The following CARMIL1 variants were observed in gnomAD, a reference collection of about 807,000 sequenced individuals.
The protein encoded by CARMIL1 is F-actin-uncapping protein LRRC16A.
CARMIL1 carries 90 observed loss-of-function variants against 177.1 expected under a neutral mutation model. The ratio of observed to expected loss-of-function variants is 0.51; its 90% CI spans 0.43 to 0.61. CARMIL1 has a LOEUF of 0.61. Among genes scored for constraint, CARMIL1 ranks in the 20% least tolerant of loss-of-function variants. The pLI, the probability that CARMIL1 is intolerant of heterozygous loss-of-function variation, is 0.00. For synonymous variants in CARMIL1, 577 were observed against 606.2 expected (o/e 0.95, Z 0.71); for missense variants, 1,380 against 1,667.0 (o/e 0.83, Z 3.00).
At chr6:25,568,501 G>T (rs1811767225) in intron 29 of CARMIL1, among the ~76,000 whole-genome samples, 1 of 152,080 alleles carries the variant, frequency 6.6e-6, no homozygotes, top group Non-Finnish European at 1.5e-5. Flanking sequence ...CCAAATTGGG[G>T]TATGTGATCA....
chr6:25,504,509 G>A (rs150108972), intron 17 of CARMIL1, among the ~76,000 whole-genome samples: 43 of 152,198 alleles, frequency 2.8e-4, no homozygotes, highest in African/African-American at 9.9e-4. Flanking sequence ...AACTTATGGA[G>A]TTGCTTTCTT....
intron 5 of CARMIL1, among the ~76,000 whole-genome samples, chr6:25,446,909 T>C (rs1798288541): frequency 6.6e-6 from 1 of 152,116 alleles, no homozygotes; most frequent in Non-Finnish European, 1.5e-5. Context: ...AGAGGAATGG[T>C]TGTCAGTGGA....
At chr6:25,472,610 G>A in intron 11 of CARMIL1, 89 bp downstream of exon 11, 1 of 1,070,902 alleles carries the variant, frequency 9.3e-7, no homozygotes, top group Admixed American at 2.2e-5. Flanking sequence ...GCTGTATCAA[G>A]CTAAGTTGTA....
At chr6:25,409,646 C>A (rs1794733318) in intron 2 of CARMIL1, among the ~76,000 whole-genome samples, 1 of 152,138 alleles carries the variant, frequency 6.6e-6, no homozygotes. Flanking sequence ...GTACCGTATG[C>A]TAGTATTTAT....
chr6:25,293,610 C>G (rs1202524952), intron 2 of CARMIL1, among the ~76,000 whole-genome samples: 1 of 151,906 alleles, frequency 6.6e-6, no homozygotes, highest in African/African-American at 2.4e-5. Context: ...AACTCCTGGG[C>G]TCAAGCAGTT....
Position 25,554,109 on chromosome 6 carries a change from C to T in CARMIL1, c.2592+13C>T. ...CCATCATAAACTGGTGAGTGCTGTG[C>T]ACATCTTGAGCAGGACCTCCTGTTT... is the stretch of plus-strand genomic sequence containing the variant. On this transcript the variant is annotated intron_variant, in intron 28 of 36. Transcript: ENST00000329474. This position sits in a 1 kb window ranked among gnomAD's most constrained non-coding sequence, Gnocchi z 4.6. 1.9e-6 allele frequency: 3 copies of T among 1,566,118 alleles called. No individual in the cohort carries two copies. The highest frequency in any genetic ancestry group is 2.6e-6 in the Non-Finnish European group (3 of 1,149,684).
intron 5 of CARMIL1, among the ~76,000 whole-genome samples, chr6:25,442,871 G>T (rs974100343): frequency 8.5e-5 from 13 of 152,182 alleles, no homozygotes; most frequent in Non-Finnish European, 1.8e-4. Flanking sequence ...AACCCTGAGT[G>T]TGAATGTCCA....
intron 3 of CARMIL1, among the ~76,000 whole-genome samples, chr6:25,420,550 T>G (rs190975821): frequency 2.0e-5 from 2 of 98,530 alleles, no homozygotes; most frequent in Non-Finnish European, 4.5e-5. Context: ...AGTCTACTTC[T>G]TATTTCCTTC....
chr6:25,379,633 TG>T (rs1791335348), intron 2 of CARMIL1, among the ~76,000 whole-genome samples: 1 of 152,142 alleles, frequency 6.6e-6, no homozygotes, highest in South Asian at 2.1e-4. Context: ...AAAAGGTGGA[TG>T]GAATGAACCT....
chr6:25,604,617 A>T (rs529114412), intron 33 of CARMIL1, among the ~76,000 whole-genome samples, 195 bp from the exon 34 acceptor site: 1 of 152,194 alleles, frequency 6.6e-6, no homozygotes, highest in Non-Finnish European at 1.5e-5. Flanking sequence ...TCCTGACCGT[A>T]AACACAGAAT....
intron 2 of CARMIL1, among the ~76,000 whole-genome samples, chr6:25,308,273 T>A (rs1312756025): frequency 6.6e-6 from 1 of 152,212 alleles, no homozygotes; most frequent in Admixed American, 6.5e-5. Flanking sequence ...GATAAAACTT[T>A]GAGCAACACA....
chr6:25,516,285 T>C (rs1390943293), intron 21 of CARMIL1, among the ~76,000 whole-genome samples: 1 of 142,516 alleles, frequency 7.0e-6, no homozygotes, highest in Non-Finnish European at 1.5e-5. Context: ...AAAGGTCTGC[T>C]GGTTCAAAAC....
chr6:25,610,543 T>C (rs933110472), intron 36 of CARMIL1, among the ~76,000 whole-genome samples: 23 of 152,308 alleles, frequency 1.5e-4, no homozygotes, highest in South Asian at 4.1e-4. Context: ...TTATTTTCAA[T>C]GAAATCTTTT....
At chr6:25,323,859 C>T (rs1784869349) in intron 2 of CARMIL1, among the ~76,000 whole-genome samples, 1 of 152,136 alleles carries the variant, frequency 6.6e-6, no homozygotes, top group Non-Finnish European at 1.5e-5. Context: ...ATAGTTTTCA[C>T]ATGTAAACCA....
chr6:25,426,039 A>T (rs1033585849), intron 3 of CARMIL1, among the ~76,000 whole-genome samples: 5 of 152,308 alleles, frequency 3.3e-5, no homozygotes, highest in Middle Eastern at 3.4e-3. Flanking sequence ...CTGAAGCAAA[A>T]TTTTGAAGTG....
intron 10 of CARMIL1, among the ~76,000 whole-genome samples, chr6:25,472,145 G>C (rs1383157804): frequency 4.6e-5 from 7 of 151,652 alleles, no homozygotes; most frequent in Non-Finnish European, 7.4e-5. Flanking sequence ...AAATTATGGA[G>C]GGGCCAGAAA....
At chr6:25,286,518 CTTAAG>C (rs777720294) in intron 2 of CARMIL1, among the ~76,000 whole-genome samples, 6 of 152,200 alleles carry the variant, frequency 3.9e-5, no homozygotes, top group Non-Finnish European at 7.3e-5. Context: ...GTGAGATTTC[CTTAAG>C]TTATGTTTTT....
At chr6:25,279,923 C>A in intron 1 of CARMIL1, 88 bp downstream of exon 1, 1 of 1,483,572 alleles carries the variant, frequency 6.7e-7, no homozygotes, top group South Asian at 1.1e-5. Context: ...TCCCGCAGGT[C>A]TCGAGAAGTC....
At chr6:25,291,794 A>C (rs1781992288) in intron 2 of CARMIL1, among the ~76,000 whole-genome samples, 1 of 152,114 alleles carries the variant, frequency 6.6e-6, no homozygotes, top group South Asian at 2.1e-4. Flanking sequence ...AGTAGGGGAG[A>C]TTTGGTTTTT....
Sources: allele counts gnomAD v4.1 joint callset (sites outside exome capture counted in the v4.1 genomes callset), GRCh38; gene constraint gnomAD v4.1.1; non-coding constraint Gnocchi (gnomAD v3.1); transcripts MANE v1.5; gene names NCBI Gene and HGNC (gene_info 2026-07-23, HGNC 2026-07-21).